The following FSTL4 variants were observed in gnomAD, a reference collection of about 807,000 sequenced individuals.
FSTL4 encodes the protein follistatin-related protein 4.
In FSTL4, 28 loss-of-function variants were observed where a neutral mutation model predicts 78.2. The observed-to-expected ratio is 0.36, with a 90% CI of 0.27 to 0.49. The LOEUF (loss-of-function observed/expected upper bound fraction) is 0.49, where lower values mean the gene tolerates loss of function less well. FSTL4 is among the 20% of genes least tolerant of loss of function. The pLI is 0.98. For missense variants in FSTL4, 922 were observed against 1,084.9 expected (o/e 0.85, Z 2.11); for synonymous variants, 422 against 440.5 (o/e 0.96, Z 0.53).
intron 2 of FSTL4, among the ~76,000 whole-genome samples, chr5:133,571,115 C>T (rs1000695525): frequency 5.9e-5 from 9 of 151,712 alleles, no homozygotes; most frequent in Non-Finnish European, 1.3e-4. Flanking sequence ...AAAAAAAAAG[C>T]CTCAAATAAT....
At chr5:133,712,193 C>A in the FSTL4 span, among the ~76,000 whole-genome samples, 3 of 152,190 alleles carry the variant, frequency 2.0e-5, no homozygotes, top group African/African-American at 7.2e-5. Context: ...GCAGACGTTT[C>A]CCATTAGCTC....
At chr5:133,520,952 C>T (rs1192358360) in intron 3 of FSTL4, among the ~76,000 whole-genome samples, 1 of 152,088 alleles carries the variant, frequency 6.6e-6, no homozygotes, top group Non-Finnish European at 1.5e-5. Flanking sequence ...GAAGAAGCAC[C>T]ATGTAAGGAA....
chr5:133,335,383 G>A (rs927371485), intron 4 of FSTL4, among the ~76,000 whole-genome samples: 1 of 151,972 alleles, frequency 6.6e-6, no homozygotes, highest in African/African-American at 2.4e-5. Flanking sequence ...GCTGGGACTC[G>A]ACCTTCACGG....
chr5:133,763,980 A>G, the FSTL4 span, among the ~76,000 whole-genome samples: 1 of 152,098 alleles, frequency 6.6e-6, no homozygotes, highest in Non-Finnish European at 1.5e-5. Context: ...GAGTCGCTTC[A>G]GAAGTGCTTT....
chr5:133,485,251 A>G (rs1269291043), intron 3 of FSTL4, among the ~76,000 whole-genome samples: 2 of 152,244 alleles, frequency 1.3e-5, no homozygotes, highest in Non-Finnish European at 2.9e-5. Flanking sequence ...GTGCTTCTGA[A>G]CAACCAAGGA....
At chr5:133,752,765 G>C in the FSTL4 span, among the ~76,000 whole-genome samples, 1 of 152,128 alleles carries the variant, frequency 6.6e-6, no homozygotes, top group Non-Finnish European at 1.5e-5. Flanking sequence ...GTCATAGGGG[G>C]CAGGGGGGTC....
chr5:133,214,309 G>A (rs182784251), intron 13 of FSTL4, among the ~76,000 whole-genome samples: 61 of 152,242 alleles, frequency 4.0e-4, no homozygotes, highest in Admixed American at 3.1e-3. Flanking sequence ...TCAAAGGATC[G>A]ATATTATTCA....
chr5:133,395,487 C>A (rs1236642611), intron 4 of FSTL4, among the ~76,000 whole-genome samples: 1 of 152,212 alleles, frequency 6.6e-6, no homozygotes, highest in Non-Finnish European at 1.5e-5. Context: ...GAACTTGTAA[C>A]ACTCACCGCG....
chr5:133,692,609 G>A, the FSTL4 span, among the ~76,000 whole-genome samples: 1 of 152,168 alleles, frequency 6.6e-6, no homozygotes, highest in Non-Finnish European at 1.5e-5. Context: ...GGGCTGTGGG[G>A]GCTCTGCCCT....
intron 3 of FSTL4, among the ~76,000 whole-genome samples, chr5:133,514,223 T>TAATAATAAA (rs1177245646): frequency 1.3e-5 from 2 of 148,158 alleles, no homozygotes; most frequent in East Asian, 3.9e-4. Flanking sequence ...ATAATAATAA[T>TAATAATAAA]AAACCGTTGG....
intron 3 of FSTL4, among the ~76,000 whole-genome samples, chr5:133,443,675 C>T (rs996465888): frequency 1.3e-5 from 2 of 152,126 alleles, no homozygotes; most frequent in African/African-American, 4.8e-5. Context: ...GGGTTCAGCC[C>T]GATATTCTGA....
intron 3 of FSTL4, among the ~76,000 whole-genome samples, chr5:133,401,721 T>A (rs894617924): frequency 6.6e-6 from 1 of 152,194 alleles, no homozygotes; most frequent in Non-Finnish European, 1.5e-5. Context: ...GCGGGTGATG[T>A]GCCAGTGGGC....
At chr5:133,388,471 A>G (rs1755758426) in intron 4 of FSTL4, 1 of 152,124 alleles carries the variant, frequency 6.6e-6, no homozygotes, top group Non-Finnish European at 1.5e-5. Flanking sequence ...CCTTCCTACC[A>G]GACAGTGTCT....
intron 2 of FSTL4, among the ~76,000 whole-genome samples, chr5:133,573,710 C>T (rs1247310276): frequency 2.6e-5 from 4 of 152,138 alleles, no homozygotes; most frequent in East Asian, 1.9e-4. Flanking sequence ...GAGTTGAACA[C>T]TATAATTTTA....
chr5:133,590,108 T>C (rs2112965597), intron 2 of FSTL4, among the ~76,000 whole-genome samples: 1 of 151,992 alleles, frequency 6.6e-6, no homozygotes, highest in East Asian at 1.9e-4. Context: ...TTTATTTATT[T>C]ATTTATTTAT....
At chr5:133,376,268 A>G (rs115751971) in intron 4 of FSTL4, among the ~76,000 whole-genome samples, 4 of 152,384 alleles carry the variant, frequency 2.6e-5, no homozygotes, top group Non-Finnish European at 5.9e-5. Flanking sequence ...GCTCCTGCAG[A>G]AACAGACATT....
At chr5:133,221,913 T>TTTTTG (rs1554097226) in intron 11 of FSTL4, among the ~76,000 whole-genome samples, 3 of 97,840 alleles carry the variant, frequency 3.1e-5, no homozygotes, top group Middle Eastern at 6.1e-3. Context: ...TTTTTTTTTT[T>TTTTTG]TTTTTTTTTT....
chr5:133,393,239 A>G (rs1755900611), intron 4 of FSTL4, among the ~76,000 whole-genome samples: 1 of 152,188 alleles, frequency 6.6e-6, no homozygotes. Flanking sequence ...GACAGTCCGT[A>G]AAGATTCCCG....
At chr5:133,751,671 C>T in the FSTL4 span, among the ~76,000 whole-genome samples, 29 of 152,226 alleles carry the variant, frequency 1.9e-4, no homozygotes, top group Admixed American at 4.6e-4. Context: ...GGAGGGAGCA[C>T]GGATAATCAA....
Sources: gnomAD v4.1 joint callset for allele counts (sites outside exome capture counted in the v4.1 genomes callset) on GRCh38, gnomAD v4.1.1 for gene constraint, MANE v1.5 for transcripts, NCBI Gene and HGNC (gene_info 2026-07-23, HGNC 2026-07-21) for gene names.